PARD3B: variants seen among roughly 807,000 people sequenced by gnomAD.
PARD3B encodes par-3 family cell polarity regulator beta, also known as partitioning defective 3 homolog B.
Under a neutral mutation model 130.2 loss-of-function variants are expected in PARD3B, and 103 were observed. The observed-to-expected ratio is 0.79, with a 90% confidence interval of 0.67 to 0.93. PARD3B has a LOEUF of 0.93. PARD3B is among the 40% of genes least tolerant of loss of function. The pLI, the probability that PARD3B is intolerant of heterozygous loss-of-function variation, is 0.00. For missense variants in PARD3B, 1,609 were observed against 1,499.2 expected, an observed-to-expected ratio of 1.07 and a Z score of -1.21; for synonymous variants, 583 against 553.2, an observed-to-expected ratio of 1.05 and a Z score of -0.76.
intron 2 of PARD3B, among the ~76,000 whole-genome samples, chr2:204,953,438 G>C (rs1440469020): frequency 1.3e-5 from 2 of 149,742 alleles, no homozygotes; most frequent in African/African-American, 2.5e-5. Flanking sequence ...GAGAGAGAGA[G>C]AGAGAGAGAG....
intron 21 of PARD3B, among the ~76,000 whole-genome samples, chr2:205,537,129 G>A (rs1341561621): frequency 2.6e-5 from 4 of 152,064 alleles, no homozygotes; most frequent in Non-Finnish European, 5.9e-5. Flanking sequence ...GCTAATGCTT[G>A]TAAATCACCT....
chr2:204,869,420 C>G (rs2045550856), intron 2 of PARD3B, among the ~76,000 whole-genome samples: 1 of 152,124 alleles, frequency 6.6e-6, no homozygotes, highest in Non-Finnish European at 1.5e-5. Context: ...TCTGATCTTT[C>G]TAAGATGCCT....
At chr2:205,482,447 T>G (rs942230170) in intron 20 of PARD3B, 44 of 152,282 alleles carry the variant, frequency 2.9e-4, no homozygotes, top group African/African-American at 1.0e-3. Flanking sequence ...CAGAGGATTG[T>G]TTTTTAAAGT....
At chr2:204,900,590 T>G (rs181498137) in intron 2 of PARD3B, among the ~76,000 whole-genome samples, 37 of 152,366 alleles carry the variant, frequency 2.4e-4, no homozygotes, top group Non-Finnish European at 4.0e-4. Context: ...AGGTCATAAA[T>G]CTTTTAAAAG....
chr2:205,233,103 A>G (rs1017567626), intron 15 of PARD3B, among the ~76,000 whole-genome samples: 2 of 152,200 alleles, frequency 1.3e-5, no homozygotes. Context: ...AATTTGCTGA[A>G]ATCATGGTTA....
In PARD3B at chr2:205,615,704, C is replaced by T; in HGVS notation, c.3509C>T (p.Pro1170Leu). The change falls in exon 23 of 23, where the codon CCA becomes CTA. Residue 1170 changes from proline to leucine, a missense_variant. Transcript: ENST00000406610. The part of the protein sequence containing the change: ...PPSPPQHQRM[P>L]AYQETGRPGP... ...TCCCCTCCCCAGCACCAAAGAATGC[C>T]AGCCTATCAGGAAACAGGCAGACCA... 1 of 1,614,106 alleles carries T rather than the reference C, an allele frequency of 6.2e-7. No homozygotes were observed. Among genetic ancestry groups the T allele is most frequent in the South Asian group, 1.1e-5 (1 of 91,064 alleles).
chr2:205,102,871 T>C (rs1238829288), intron 4 of PARD3B, among the ~76,000 whole-genome samples: 2 of 152,008 alleles, frequency 1.3e-5, no homozygotes, highest in African/African-American at 2.4e-5. Context: ...GAGACCATCC[T>C]GGCTAACACG....
At chr2:204,903,307 A>G (rs906329838) in intron 2 of PARD3B, among the ~76,000 whole-genome samples, 5 of 152,222 alleles carry the variant, frequency 3.3e-5, no homozygotes, top group Non-Finnish European at 7.3e-5. Flanking sequence ...AAGACCATGC[A>G]AGGGCTAACA....
chr2:205,327,898 C>T (rs2042989105), intron 18 of PARD3B, among the ~76,000 whole-genome samples: 1 of 152,164 alleles, frequency 6.6e-6, no homozygotes, highest in African/African-American at 2.4e-5. Context: ...CTCAGAATCA[C>T]TAAGTTGATC....
chr2:204,698,276 AACC>A (rs2037713186), intron 2 of PARD3B, among the ~76,000 whole-genome samples: 1 of 152,130 alleles, frequency 6.6e-6, no homozygotes, highest in Non-Finnish European at 1.5e-5. Flanking sequence ...TATTTGTCCT[AACC>A]TCTTTCAGTT....
chr2:205,001,996 A>C (rs1387891451), intron 3 of PARD3B, among the ~76,000 whole-genome samples: 1 of 152,238 alleles, frequency 6.6e-6, no homozygotes, highest in Non-Finnish European at 1.5e-5. Context: ...ATTTAGGAAG[A>C]AATCTTGAGA....
At chr2:204,871,256 AT>A (rs2045619409) in intron 2 of PARD3B, among the ~76,000 whole-genome samples, 1 of 152,158 alleles carries the variant, frequency 6.6e-6, no homozygotes, top group South Asian at 2.1e-4. Context: ...CTCTTTTTAA[AT>A]AACCCCCTTT....
At chr2:205,339,836 GGAGAA>G (rs1002328159) in intron 18 of PARD3B, among the ~76,000 whole-genome samples, 1 of 152,088 alleles carries the variant, frequency 6.6e-6, no homozygotes, top group Non-Finnish European at 1.5e-5. Context: ...CATTTGACCT[GGAGAA>G]GAGAAAACAG....
chr2:204,715,247 C>G (rs1271149091), intron 2 of PARD3B, among the ~76,000 whole-genome samples: 1 of 152,112 alleles, frequency 6.6e-6, no homozygotes, highest in East Asian at 1.9e-4. Context: ...TATGGGATCC[C>G]TGTGCCTAAT....
Position 205,506,126 on chromosome 2 carries a change from A to G in PARD3B, c.3180+6095A>G, listed in dbSNP as rs867423406. Among the ~76,000 whole-genome samples the G allele has an allele frequency of 5.9e-5, 9 of 152,162 alleles. 1 individual carries two copies. The highest frequency in any genetic ancestry group is 5.2e-4 in the Admixed American group (8 of 15,286). ...GAGGAAGGTGGATCATGAGGTCAAGAGATTGAGACTAACCTGGCCAACATG... is the reference window on the plus strand; with the variant it reads ...GAGGAAGGTGGATCATGAGGTCAAGGGATTGAGACTAACCTGGCCAACATG... On this transcript the variant is annotated intron_variant, in intron 21 of 22. Coordinates refer to ENST00000406610, the MANE Select transcript of PARD3B (RefSeq NM_001302769.2).
At chr2:205,382,460 T>C (rs1050831897) in intron 18 of PARD3B, among the ~76,000 whole-genome samples, 6 of 152,140 alleles carry the variant, frequency 3.9e-5, no homozygotes, top group Non-Finnish European at 7.4e-5. Context: ...GTCCGCTGGG[T>C]TTCTTCACTA....
At chr2:204,605,385 TC>T (rs2033674610) in intron 1 of PARD3B, among the ~76,000 whole-genome samples, 1 of 152,216 alleles carries the variant, frequency 6.6e-6, no homozygotes. Flanking sequence ...ATATAAGGGC[TC>T]ATTGTCTTTC....
chr2:204,700,782 C>T (rs577854410), intron 2 of PARD3B, among the ~76,000 whole-genome samples: 2 of 152,150 alleles, frequency 1.3e-5, no homozygotes, highest in South Asian at 4.1e-4. Context: ...TTAAGAATTT[C>T]TTAAGGTTAA....
rs534163970 is a variant in PARD3B, at chr2:205,012,505, T to A, written c.395-35076T>A. 2.0e-5 allele frequency among the ~76,000 whole-genome samples: 3 copies of A among 152,334 alleles called. No homozygotes were observed. In the South Asian group the frequency reaches 6.2e-4, roughly 32 times the overall value. On this transcript the variant is annotated intron_variant, in intron 3 of 22. Coordinates refer to ENST00000406610, the MANE Select transcript of PARD3B (RefSeq NM_001302769.2). ...TATGCTTTCCATGACTCTTTTGATT[T>A]CTGGCTGCTTTAGAATGTAGATTTA... is the stretch of plus-strand genomic sequence containing the variant.
Sources: gnomAD v4.1 joint callset for allele counts (sites outside exome capture counted in the v4.1 genomes callset) on GRCh38, gnomAD v4.1.1 for gene constraint, MANE v1.5 for transcripts, NCBI Gene and HGNC (gene_info 2026-07-23, HGNC 2026-07-21) for gene names.